Variants in ZNF3 observed in about 807,000 individuals in gnomAD.
ZNF3 encodes the protein zinc finger protein 3, also known as C2-H2 type zinc finger protein.
A neutral mutation model predicts 36.9 loss-of-function variants in ZNF3; 16 were observed. The observed-to-expected ratio is 0.43, with a 90% CI of 0.29 to 0.66. The LOEUF is 0.66. Ranked by LOEUF, ZNF3 falls within the 30% of genes least tolerant of loss-of-function variation. The probability of loss-of-function intolerance (pLI) is 0.13; values close to 1 mark genes in which losing one functional copy is unlikely to be tolerated. For synonymous variants in ZNF3, 201 were observed against 201.9 expected (o/e 1.00, Z 0.04); for missense variants, 462 against 543.1 (o/e 0.85, Z 1.48).
Position 100,070,206 on chromosome 7 carries a change from A to G in ZNF3, c.*937T>C. On this transcript the variant is annotated 3_prime_UTR_variant, in exon 6 of 6. Transcript: ENST00000299667. ...CTTTTGGGCTTTGCTCTTTCTCTGC[A>G]TTAATCTTCAGCTGCTGAAGAGTCA... The G allele has an allele frequency of 1.0e-6, 1 of 983,470 alleles. No homozygotes were observed. The highest frequency in any genetic ancestry group is 1.2e-6 in the Non-Finnish European group (1 of 829,552). The allele number at this position is 983,470 out of a possible 1,614,324, so 60.9% of individuals were successfully genotyped here.
At chr7:100,063,950 C>T (rs1395752884), downstream of ZNF3, 6 of 1,613,974 alleles carry the variant, frequency 3.7e-6, no homozygotes, top group African/African-American at 1.3e-5. Flanking sequence ...GGAACAAAAC[C>T]CCCTCTTCAA....
chr7:100,066,606 G>A (rs997308878), downstream of ZNF3, among the ~76,000 whole-genome samples: 7 of 151,858 alleles, frequency 4.6e-5, no homozygotes, highest in South Asian at 2.1e-4. Context: ...GCGTGGTGGC[G>A]GGCACCTGTA....
Position 100,070,610 on chromosome 7 carries a change from CAATAA to C in ZNF3, c.*528_*532del, listed in dbSNP as rs1458222658. On this transcript the variant is annotated 3_prime_UTR_variant, in exon 6 of 6. Transcript: ENST00000299667. ...ATGATTCTGGAATCTCTTCTACCCT[CAATAA>C]AATAATCCCTCAATGCCAAATTTCC... 1.0e-6 allele frequency: 1 copy of C among 989,246 alleles called. No individual in the cohort carries two copies. The highest frequency in any genetic ancestry group is 5.8e-5 in the Admixed American group (1 of 17,220). 61.3% of individuals were successfully genotyped at this position (989,246 alleles called of 1,614,324 possible). A position where few individuals can be genotyped will look rare whatever the true frequency, so the allele number is the denominator to read the frequency against.
intron 2 of ZNF3, among the ~76,000 whole-genome samples, 177 bp downstream of exon 2, chr7:100,079,359 G>C (rs1307115283): frequency 6.6e-6 from 1 of 152,222 alleles, no homozygotes; most frequent in East Asian, 1.9e-4. Flanking sequence ...CAAGCACCCA[G>C]TGTCCAGATC....
Position 100,071,881 on chromosome 7 carries a change from C to G in ZNF3, c.603G>C (p.Lys201Asn). 6.2e-7 allele frequency: 1 copy of G among 1,614,220 alleles called. No homozygotes were observed. The highest frequency in any genetic ancestry group is 1.1e-5 in the South Asian group (1 of 91,080). Residue 201 changes from lysine (K) to asparagine (N), a missense_variant, in exon 6 of 6, where the codon AAG (lysine) becomes AAC (asparagine). Lys to Asn is a moderately conservative substitution (Grantham distance 94). Coordinates refer to ENST00000299667, the MANE Select transcript of ZNF3 (RefSeq NM_032924.5). ...TAAAGCTCTTGCTACATTCATCACACTTATGGGGTCTGTCTCCCACGGGGA... is the reference window on the plus strand; with the variant it reads ...TAAAGCTCTTGCTACATTCATCACAGTTATGGGGTCTGTCTCCCACGGGGA... ...QRLPVGDRPH[K>N]CDECSKSFNR... is the part of the protein sequence containing the mutation.
At chr7:100,068,535 T>TGGTGGTGGGCGC (rs1792760793), downstream of ZNF3, among the ~76,000 whole-genome samples, 1 of 150,922 alleles carries the variant, frequency 6.6e-6, no homozygotes, top group Non-Finnish European at 1.5e-5. Flanking sequence ...TAGCTGGGCG[T>TGGTGGTGGGCGC]GGTGGTGGGC....
exon 6 of ZNF3, chr7:100,064,560 C>G (rs1486892923): frequency 1.9e-6 from 3 of 1,614,090 alleles, no homozygotes; most frequent in African/African-American, 1.3e-5. Context: ...CCTTCTGTAG[C>G]AAGTCCAATC....
At position 100,072,045 on chromosome 7, in the gene ZNF3, T is replaced by C; in HGVS notation, c.439A>G (p.Arg147Gly). The C allele has an allele frequency of 6.2e-7, 1 of 1,614,178 alleles. No homozygotes were observed. Among genetic ancestry groups the C allele is most frequent in the Non-Finnish European group, 8.5e-7 (1 of 1,180,046 alleles). ...KRPLGNSPGE[R>G]LNRKMPDFGQ... The stretch of plus-strand genomic sequence containing the variant: ...AAATCTGGCATTTTCCTGTTCAGTC[T>C]TTCTCCAGGGGAGTTCCCCAGCGGC... The change falls in exon 6 of 6, where the codon AGA becomes GGA. Residue 147 changes from arginine to glycine, a missense_variant. Coordinates refer to ENST00000299667, the MANE Select transcript of ZNF3 (RefSeq NM_032924.5).
intron 5 of ZNF3, 72 bp downstream of exon 5, chr7:100,075,063 C>G: frequency 6.6e-7 from 1 of 1,520,204 alleles, no homozygotes; most frequent in Admixed American, 2.2e-5. Context: ...TTTTCAGTGA[C>G]TAGATTGTTA....
At chr7:100,064,743 C>T (rs377579968) in exon 6 of ZNF3, 1 of 1,613,854 alleles carries the variant, frequency 6.2e-7, no homozygotes, top group Non-Finnish European at 8.5e-7. Context: ...TCAGGGGATG[C>T]CTGAGGAGTG....
intron 5 of ZNF3, among the ~76,000 whole-genome samples, chr7:100,072,723 G>A (rs183588538): frequency 5.6e-4 from 86 of 152,242 alleles, no homozygotes; most frequent in Non-Finnish European, 1.0e-3. Flanking sequence ...CATGGCTGTC[G>A]TCACGCCACA....
downstream of ZNF3, among the ~76,000 whole-genome samples, chr7:100,069,551 CAAAAA>C (rs57428777): frequency 8.3e-5 from 9 of 107,926 alleles, no homozygotes; most frequent in Non-Finnish European, 9.5e-5. Context: ...GACTCTGTCT[CAAAAA>C]AAAAAAAAAA....
chr7:100,080,887 A>C (rs986923423), intron 1 of ZNF3, among the ~76,000 whole-genome samples: 1 of 152,244 alleles, frequency 6.6e-6, no homozygotes, highest in African/African-American at 2.4e-5. Flanking sequence ...GTATAATCAA[A>C]TGATGCCCAC....
downstream of ZNF3, among the ~76,000 whole-genome samples, chr7:100,069,291 C>T (rs536951312): frequency 9.1e-4 from 138 of 152,266 alleles, no homozygotes; most frequent in Middle Eastern, 3.4e-3. Context: ...CATGGTGGCT[C>T]ACGCCTATAA....
Position 100,070,915 on chromosome 7 carries a change from A to ACTGGTCCCAGAGCTTCTTT in ZNF3, c.*227_*228insAAAGAAGCTCTGGGACCAG. 1.5e-6 allele frequency: 2 copies of ACTGGTCCCAGAGCTTCTTT among 1,329,316 alleles called. No individual in the cohort carries two copies. The highest frequency in any genetic ancestry group is 1.9e-6 in the Non-Finnish European group (2 of 1,044,014). The allele number at this position is 1,329,316 out of a possible 1,614,324, so 82.3% of individuals were successfully genotyped here. A position where few individuals can be genotyped will look rare whatever the true frequency, so the allele number is the denominator to read the frequency against. ...GCAAACTCCTTTCCTAAATGGGGTA[A>ACTGGTCCCAGAGCTTCTTT]CTGGTCCCAGAGCTGCTTTCTATTC... On this transcript the variant is annotated 3_prime_UTR_variant, in exon 6 of 6. Transcript: ENST00000299667.
rs1344528916 is a variant in ZNF3, at chr7:100,071,371, C to T, written c.1113G>A (p.Met371Ile). The change falls in exon 6 of 6, where the codon ATG becomes ATA. Residue 371 changes from methionine (M) to isoleucine (I), a missense_variant. Met to Ile is a conservative substitution (Grantham distance 10). Transcript: ENST00000299667. The part of the protein sequence containing the change: ...IHTGEKPYEC[M>I]ECGGKFTYSS... The stretch of plus-strand genomic sequence containing the variant: ...TGTAGGTAAACTTTCCTCCACATTC[C>T]ATACATTCGTAGGGCTTCTCTCCAG... 2 of 1,613,720 alleles carry T rather than the reference C, an allele frequency of 1.2e-6. No homozygotes were observed. Among genetic ancestry groups the T allele is most frequent in the Non-Finnish European group, 1.7e-6 (2 of 1,179,964 alleles).
At chr7:100,076,713 C>T (rs1402445184) in intron 3 of ZNF3, among the ~76,000 whole-genome samples, 4 of 152,152 alleles carry the variant, frequency 2.6e-5, no homozygotes, top group African/African-American at 9.7e-5. Flanking sequence ...CCTATGAAGT[C>T]GGCTGCATAG....
In ZNF3 at chr7:100,070,892, A is replaced by C. The variant is rs1793022205; in HGVS notation, c.*251T>G. Reference sequence around the variant, plus strand: ...TGCTGTGAGAAAAACAGTTTAGTGCAAACTCCTTTCCTAAATGGGGTAACT... The same window carrying C: ...TGCTGTGAGAAAAACAGTTTAGTGCCAACTCCTTTCCTAAATGGGGTAACT... On this transcript the variant is annotated 3_prime_UTR_variant, in exon 6 of 6. Transcript: ENST00000299667. 1 of 1,284,040 alleles carries C rather than the reference A, an allele frequency of 7.8e-7. No homozygotes were observed. The highest frequency in any genetic ancestry group is 9.8e-7 in the Non-Finnish European group (1 of 1,016,738). The allele number at this position is 1,284,040 out of a possible 1,614,324, so 79.5% of individuals were successfully genotyped here. A position where few individuals can be genotyped will look rare whatever the true frequency, so the allele number is the denominator to read the frequency against.
downstream of ZNF3, among the ~76,000 whole-genome samples, chr7:100,069,093 G>A (rs1792796297): frequency 6.6e-6 from 1 of 151,836 alleles, no homozygotes; most frequent in South Asian, 2.1e-4. Context: ...CTCCCAAAGT[G>A]CTAGGATTAC....
Sources: gnomAD v4.1 joint callset for allele counts (sites outside exome capture counted in the v4.1 genomes callset) on GRCh38, gnomAD v4.1.1 for gene constraint, MANE v1.5 for transcripts, NCBI Gene and HGNC (gene_info 2026-07-23, HGNC 2026-07-21) for gene names.